Variants in KAZN observed in about 807,000 individuals in gnomAD.
KAZN encodes kazrin, periplakin interacting protein, also known as kazrin.
KAZN carries 40 observed loss-of-function variants against 87.4 expected under a neutral mutation model. The observed-to-expected ratio is 0.46, with a 90% CI of 0.36 to 0.60. The LOEUF is 0.60. Among genes scored for constraint, KAZN ranks in the 20% least tolerant of loss-of-function variants. The pLI, the probability that KAZN is intolerant of heterozygous loss-of-function variation, is 0.00. For synonymous variants in KAZN, 466 were observed against 458.3 expected (o/e 1.02, Z -0.22); for missense variants, 898 against 1,073.9 (o/e 0.84, Z 2.29).
intron 1 of KAZN, among the ~76,000 whole-genome samples, chr1:14,097,156 CTG>C (rs1318256834): frequency 6.6e-6 from 1 of 152,124 alleles, no homozygotes; most frequent in Non-Finnish European, 1.5e-5. Flanking sequence ...TGACTTGAGT[CTG>C]TGTTGAGTGC....
intron 1 of KAZN, among the ~76,000 whole-genome samples, chr1:14,142,051 G>A (rs1042752355): frequency 2.7e-5 from 4 of 150,786 alleles, no homozygotes; most frequent in Non-Finnish European, 5.9e-5. Flanking sequence ...TACTGTAGAA[G>A]CAAGGTTGTT....
intron 1 of KAZN, among the ~76,000 whole-genome samples, chr1:14,707,816 G>A (rs866112274): frequency 6.6e-5 from 10 of 152,064 alleles, no homozygotes; most frequent in Non-Finnish European, 1.3e-4. Context: ...ACATCCTTAG[G>A]TTTCATTTCT....
chr1:14,300,817 T>C (rs569756822), intron 2 of KAZN, among the ~76,000 whole-genome samples: 8 of 152,288 alleles, frequency 5.3e-5, no homozygotes, highest in Non-Finnish European at 8.8e-5. Context: ...TGGCGTATCA[T>C]CAGACTCTGA....
chr1:14,542,132 C>T (rs1672848327), intron 2 of KAZN, among the ~76,000 whole-genome samples: 2 of 152,120 alleles, frequency 1.3e-5, no homozygotes, highest in African/African-American at 4.8e-5. Context: ...CACGTAAGAC[C>T]TGTGAATTCA....
Position 14,851,714 on chromosome 1 carries a change from C to T in KAZN, c.227-108970C>T, listed in dbSNP as rs1649464400. Among the ~76,000 whole-genome samples the T allele has an allele frequency of 2.0e-5, 3 of 152,356 alleles. No individual in the cohort carries two copies. In the South Asian group the frequency reaches 6.2e-4, roughly 32 times the overall value. ...TCTTCTCAGCCATGAAGTGGGATGG[C>T]AAGGCCCGCCTGAAGGAGTGGGTGC... On this transcript the variant is annotated intron_variant, in intron 1 of 14. Coordinates refer to ENST00000376030, the MANE Select transcript of KAZN (RefSeq NM_201628.3).
At chr1:14,196,128 G>C (rs1159357748) in intron 2 of KAZN, among the ~76,000 whole-genome samples, 1 of 152,154 alleles carries the variant, frequency 6.6e-6, no homozygotes, top group Non-Finnish European at 1.5e-5. Flanking sequence ...ACTTTTTGAG[G>C]AACAACCAAG....
At chr1:14,924,238 C>T (rs1414842037) in intron 1 of KAZN, 91 of 980,818 alleles carry the variant, frequency 9.3e-5, no homozygotes, top group Admixed American at 1.3e-4. Context: ...GCGCCGCCGG[C>T]CGGGCGGGAG....
intron 1 of KAZN, among the ~76,000 whole-genome samples, chr1:14,851,052 C>A (rs995838691): frequency 2.0e-5 from 3 of 152,210 alleles, no homozygotes; most frequent in African/African-American, 4.8e-5. Context: ...TGAGTTGGAC[C>A]AGCTATGCCT....
chr1:14,984,922 G>A (rs1225158851), intron 2 of KAZN, among the ~76,000 whole-genome samples: 1 of 152,112 alleles, frequency 6.6e-6, no homozygotes, highest in Non-Finnish European at 1.5e-5. Context: ...CAGATCACGA[G>A]GTCAGGAGTT....
chr1:15,035,753 C>A (rs568806466), intron 3 of KAZN, among the ~76,000 whole-genome samples: 20 of 152,274 alleles, frequency 1.3e-4, no homozygotes, highest in African/African-American at 4.8e-4. Flanking sequence ...GGCACAGAAT[C>A]ACTGGAACCC....
intron 2 of KAZN, among the ~76,000 whole-genome samples, chr1:14,521,109 C>T (rs1419831469): frequency 1.3e-5 from 2 of 152,162 alleles, no homozygotes; most frequent in Non-Finnish European, 2.9e-5. Flanking sequence ...GTCCTATGTG[C>T]CACAGGGTGT....
intron 2 of KAZN, among the ~76,000 whole-genome samples, chr1:14,568,548 T>C (rs567985664): frequency 6.6e-6 from 1 of 152,268 alleles, no homozygotes; most frequent in South Asian, 2.1e-4. Flanking sequence ...TCAGATCTCG[T>C]GAGACTTATT....
intron 1 of KAZN, among the ~76,000 whole-genome samples, chr1:14,957,701 A>C (rs1309812216): frequency 6.6e-6 from 1 of 152,194 alleles, no homozygotes; most frequent in African/African-American, 2.4e-5. Flanking sequence ...GCTCCCAGGC[A>C]GGTCACAGCT....
At chr1:14,363,396 C>T (rs1017769745) in intron 2 of KAZN, among the ~76,000 whole-genome samples, 3 of 152,126 alleles carry the variant, frequency 2.0e-5, no homozygotes, top group African/African-American at 7.2e-5. Context: ...ACCCTCTGGC[C>T]GTGACTCATT....
At chr1:14,871,040 T>C (rs1254024877) in intron 1 of KAZN, among the ~76,000 whole-genome samples, 6 of 152,172 alleles carry the variant, frequency 3.9e-5, no homozygotes, top group Non-Finnish European at 8.8e-5. Context: ...CTGTTCTTTG[T>C]CCAGGCCCAC....
At chr1:14,920,565 T>C (rs1364458199) in intron 1 of KAZN, among the ~76,000 whole-genome samples, 1 of 152,132 alleles carries the variant, frequency 6.6e-6, no homozygotes, top group Non-Finnish European at 1.5e-5. Flanking sequence ...TGAGCCAAGT[T>C]GTATCCAGCC....
chr1:14,972,493 C>T (rs894893853), intron 2 of KAZN, among the ~76,000 whole-genome samples: 2 of 151,558 alleles, frequency 1.3e-5, no homozygotes, highest in South Asian at 2.1e-4. Flanking sequence ...CAGGGGAATG[C>T]GCTGCTGACC....
chr1:14,586,546 A>G lies in KAZN; in HGVS notation c.250-12437A>G, dbSNP rs1226863817. ...TCTGGTTTTTTTTTTTTTTTTTTTT[A>G]GAGATAGAGTCTTATTCTGTTGCTC... is the stretch of plus-strand genomic sequence containing the variant. On this transcript the variant is annotated intron_variant, in intron 2 of 16. Coordinates refer to the KAZN transcript ENST00000636203. 3.4e-3 allele frequency among the ~76,000 whole-genome samples: 221 copies of G among 64,224 alleles called. 6 individuals are homozygous for G. The East Asian group carries it at 0.076, about 22-fold the overall frequency. 42.1% of individuals were successfully genotyped at this position (64,224 alleles called of 152,430 possible). A position where few individuals can be genotyped will look rare whatever the true frequency, so the allele number is the denominator to read the frequency against.
rs970186136 is a variant in KAZN at position 14,237,652 on chromosome 1, A to G, written c.249+57060A>G. On this transcript the variant is annotated intron_variant, in intron 2 of 16. Transcript: ENST00000636203. ...TTGGTGTAATCAATATAATGAAATA[A>G]TTCAAGCAGATTATTGACGCAGCAA... Among the ~76,000 whole-genome samples the G allele has an allele frequency of 7.2e-5, 11 of 152,202 alleles. 2 individuals are homozygous for G. In the South Asian group the frequency reaches 2.3e-3, roughly 32 times the overall value.
Sources: allele counts gnomAD v4.1 joint callset (sites outside exome capture counted in the v4.1 genomes callset), GRCh38; gene constraint gnomAD v4.1.1; transcripts MANE v1.5; gene names NCBI Gene and HGNC (gene_info 2026-07-23, HGNC 2026-07-21).